SH3PXD2B: variants seen among roughly 807,000 people sequenced by gnomAD.
The protein encoded by SH3PXD2B is SH3 and PX domain-containing protein 2B.
In SH3PXD2B, 37 loss-of-function variants were observed where a neutral mutation model predicts 73.1. The observed-to-expected ratio is 0.51, with a 90% confidence interval of 0.39 to 0.67. SH3PXD2B has a LOEUF of 0.67. SH3PXD2B is among the 30% of genes least tolerant of loss of function. SH3PXD2B has a pLI of 0.00. For synonymous variants in SH3PXD2B, 457 were observed against 480.5 expected, an observed-to-expected ratio of 0.95 and a Z score of 0.64; for missense variants, 1,053 against 1,197.8, an observed-to-expected ratio of 0.88 and a Z score of 1.78.
intron 6 of SH3PXD2B, among the ~76,000 whole-genome samples, chr5:172,371,659 G>A (rs1757708227): frequency 6.6e-6 from 1 of 151,586 alleles, no homozygotes; most frequent in South Asian, 2.2e-4. Context: ...TCAGGTGAAT[G>A]ACGTAACAGC....
At chr5:172,440,787 A>G (rs1462721446) in intron 1 of SH3PXD2B, among the ~76,000 whole-genome samples, 1 of 152,178 alleles carries the variant, frequency 6.6e-6, no homozygotes, top group Non-Finnish European at 1.5e-5. Flanking sequence ...GGTGGAAGCG[A>G]CAGACTCTGA....
Position 172,346,195 on chromosome 5 carries a change from C to G in SH3PXD2B, c.1129G>C (p.Ala377Pro). Reference sequence around the variant, plus strand: ...TCTGGGATGGTTGTCTGGAATTCGGCGATGGTGTAATACTCTTCCTCCACT... The same window carrying G: ...TCTGGGATGGTTGTCTGGAATTCGGGGATGGTGTAATACTCTTCCTCCACT... ...PQVEEEYYTIAEFQTTIPDGI... is the reference protein window; with the variant it reads ...PQVEEEYYTIPEFQTTIPDGI... Residue 377 changes from alanine to proline, a missense_variant, in exon 12 of 13, where the codon GCC (alanine) becomes CCC (proline). Coordinates refer to ENST00000311601, the MANE Select transcript of SH3PXD2B (RefSeq NM_001017995.3). The G allele has an allele frequency of 1.9e-6, 3 of 1,614,108 alleles. No homozygotes were observed. Among genetic ancestry groups the G allele is most frequent in the Non-Finnish European group, 2.5e-6 (3 of 1,180,018 alleles).
intron 1 of SH3PXD2B, among the ~76,000 whole-genome samples, chr5:172,437,678 T>C (rs1341629593): frequency 6.6e-6 from 1 of 152,230 alleles, no homozygotes; most frequent in Non-Finnish European, 1.5e-5. Flanking sequence ...CAATATTTTT[T>C]TCCCCCAATT....
intron 1 of SH3PXD2B, among the ~76,000 whole-genome samples, chr5:172,437,894 G>A (rs1315156096): frequency 1.3e-5 from 2 of 152,150 alleles, no homozygotes; most frequent in African/African-American, 4.8e-5. Flanking sequence ...CAGGAGTAGG[G>A]GGAGAGGAGT....
chr5:172,359,512 C>T (rs1212815724), intron 7 of SH3PXD2B, among the ~76,000 whole-genome samples: 1 of 151,706 alleles, frequency 6.6e-6, no homozygotes. Flanking sequence ...CATGAGGAAA[C>T]TGAGGCTCAA....
chr5:172,454,238 G>C (rs1373051041), intron 1 of SH3PXD2B, 40 bp downstream of exon 1: 1 of 1,561,580 alleles, frequency 6.4e-7, no homozygotes, highest in Non-Finnish European at 8.7e-7. Flanking sequence ...CCCCGACGGG[G>C]CGCGGGCTCA....
intron 1 of SH3PXD2B, among the ~76,000 whole-genome samples, chr5:172,428,512 C>T (rs1206750702): frequency 6.6e-6 from 1 of 152,242 alleles, no homozygotes; most frequent in Non-Finnish European, 1.5e-5. Flanking sequence ...TGGGAAGATC[C>T]TCAGTGGGTG....
At chr5:172,390,815 T>TGTGTG (rs1758168687) in intron 4 of SH3PXD2B, among the ~76,000 whole-genome samples, 206 of 140,000 alleles carry the variant, frequency 1.5e-3, no homozygotes, top group African/African-American at 4.3e-3. Flanking sequence ...TTCCCGTCTT[T>TGTGTG]TGTGTGTGTG....
At chr5:172,377,713 A>ACCAG (rs1757847859) in intron 5 of SH3PXD2B, among the ~76,000 whole-genome samples, 1 of 152,176 alleles carries the variant, frequency 6.6e-6, no homozygotes, top group Non-Finnish European at 1.5e-5. Context: ...GGCTCTCAGA[A>ACCAG]CCAGATACAT....
At chr5:172,383,650 G>A (rs1468061663) in intron 4 of SH3PXD2B, among the ~76,000 whole-genome samples, 1 of 152,190 alleles carries the variant, frequency 6.6e-6, no homozygotes, top group Admixed American at 6.5e-5. Flanking sequence ...CAGAGAACAC[G>A]TGTGCATATG....
intron 1 of SH3PXD2B, among the ~76,000 whole-genome samples, chr5:172,444,845 C>A (rs1422912153): frequency 1.3e-5 from 2 of 152,164 alleles, no homozygotes; most frequent in African/African-American, 4.8e-5. Context: ...CGAGCCCTGG[C>A]CTCAGCCTTC....
At chr5:172,432,915 C>CA (rs1213396414) in intron 1 of SH3PXD2B, among the ~76,000 whole-genome samples, 759 of 31,442 alleles carry the variant, frequency 0.024, 8 homozygotes, top group African/African-American at 0.11. Context: ...CTGTCTGTCT[C>CA]AAAAAAAAAA....
At position 172,339,149 on chromosome 5, in the gene SH3PXD2B, C is replaced by T. The variant is rs374735849; in HGVS notation, c.1956G>A (p.Thr652=). Residue 652 remains threonine (T), a synonymous_variant, in exon 13 of 13, where the codon ACG becomes ACA. Transcript: ENST00000311601. The surrounding 1 kb of genome is among the most constrained non-coding windows in gnomAD (Gnocchi z 6.1). ...CTTGGTCTTCGCCCTGAGGTGGCTCCGTTTTGGGGGAAGGAGCTGGTTTTG... is the reference window on the plus strand; with the variant it reads ...CTTGGTCTTCGCCCTGAGGTGGCTCTGTTTTGGGGGAAGGAGCTGGTTTTG... ...VRPKPAPSPK[T]EPPQGEDQVD... The T allele has an allele frequency of 8.0e-5, 129 of 1,614,052 alleles. No homozygotes were observed. The highest frequency in any genetic ancestry group is 1.0e-4 in the Non-Finnish European group (121 of 1,180,042).
Position 172,358,447 on chromosome 5 carries a change from C to T in SH3PXD2B, c.667+326G>A, listed in dbSNP as rs547366316. 1.2e-4 allele frequency among the ~76,000 whole-genome samples: 19 copies of T among 152,292 alleles called. No individual in the cohort carries two copies. The East Asian group carries it at 2.9e-3, about 23-fold the overall frequency. On this transcript the variant is annotated intron_variant, in intron 8 of 12. Transcript: ENST00000311601. ...GCTGAAGCAGTTCCAGCACCTTGGC[C>T]GCCAGAATAATTCGAGGGAGGAATA...
intron 12 of SH3PXD2B, among the ~76,000 whole-genome samples, chr5:172,344,588 CAAAAAAAAAAAAAAAA>C (rs756550290): frequency 7.9e-5 from 2 of 25,232 alleles, no homozygotes; most frequent in African/African-American, 3.4e-4. Flanking sequence ...GAGGCTCTGT[CAAAAAAAAAAAAAAAA>C]AAAAAAAAAA....
intron 4 of SH3PXD2B, among the ~76,000 whole-genome samples, chr5:172,393,853 T>C (rs6556019): frequency 0.43 from 64,822 of 152,062 alleles, 15,040 homozygotes; most frequent in East Asian, 0.66. Flanking sequence ...GACAGGAAGC[T>C]GCTGCACCAT....
chr5:172,331,160 A>G (rs6896190), downstream of SH3PXD2B, among the ~76,000 whole-genome samples: 99,188 of 152,148 alleles, frequency 0.65, 32,532 homozygotes, highest in South Asian at 0.84. Context: ...GCATCGCTGC[A>G]CTCCAGCTTG....
intron 1 of SH3PXD2B, among the ~76,000 whole-genome samples, chr5:172,429,731 T>C (rs1447119773): frequency 2.0e-5 from 3 of 152,108 alleles, no homozygotes; most frequent in Non-Finnish European, 2.9e-5. Context: ...AGGCTAACAC[T>C]TCCCATGTTT....
At position 172,338,121 on chromosome 5, in the gene SH3PXD2B, C is replaced by T. The variant is rs1756746831; in HGVS notation, c.*248G>A. 1.4e-6 allele frequency: 2 copies of T among 1,411,980 alleles called. No homozygotes were observed. The highest frequency in any genetic ancestry group is 1.8e-6 in the Non-Finnish European group (2 of 1,087,052). 87.5% of individuals were successfully genotyped at this position (1,411,980 alleles called of 1,614,324 possible). On this transcript the variant is annotated 3_prime_UTR_variant, in exon 13 of 13. Coordinates refer to ENST00000311601, the MANE Select transcript of SH3PXD2B (RefSeq NM_001017995.3). This position sits in a 1 kb window ranked among gnomAD's most constrained non-coding sequence, Gnocchi z 5.1. ...GAGGAGTTCTCTTAAGGCAGGGATG[C>T]TGACATGGACAGAAAGCAAAGGCTG...
Sources: allele counts gnomAD v4.1 joint callset (sites outside exome capture counted in the v4.1 genomes callset), GRCh38; gene constraint gnomAD v4.1.1; non-coding constraint Gnocchi (gnomAD v3.1); transcripts MANE v1.5; gene names NCBI Gene and HGNC (gene_info 2026-07-23, HGNC 2026-07-21).